ZFAND3: variants seen among roughly 807,000 people sequenced by gnomAD.
The protein encoded by ZFAND3 is zinc finger AN1-type containing 3.
Under a neutral mutation model 29.6 loss-of-function variants are expected in ZFAND3, and 10 were observed. The observed-to-expected ratio is 0.34, with a 90% CI of 0.21 to 0.57. The LOEUF is 0.57. Among genes scored for constraint, ZFAND3 ranks in the 20% least tolerant of loss-of-function variants. The pLI is 0.86. For missense variants in ZFAND3, 230 were observed against 304.5 expected, an observed-to-expected ratio of 0.76 and a Z score of 1.82; for synonymous variants, 128 against 112.6, an observed-to-expected ratio of 1.14 and a Z score of -0.87.
chr6:38,102,274 C>T (rs921233660), intron 4 of ZFAND3, among the ~76,000 whole-genome samples: 15 of 152,134 alleles, frequency 9.9e-5, no homozygotes, highest in Non-Finnish European at 8.8e-5. Flanking sequence ...AGATGAGAAA[C>T]ACTCACGAGT....
At chr6:38,144,231 A>ATATATAATATATATATATAT (rs1365246829) in intron 5 of ZFAND3, among the ~76,000 whole-genome samples, 8 of 75,274 alleles carry the variant, frequency 1.1e-4, no homozygotes, top group East Asian at 4.2e-4. Context: ...ATATATATAT[A>ATATATAATATATATATATAT]TTTTTTTTTT....
intron 2 of ZFAND3, among the ~76,000 whole-genome samples, chr6:38,024,573 T>G (rs945120488): frequency 1.3e-5 from 2 of 152,164 alleles, no homozygotes; most frequent in Middle Eastern, 3.4e-3. Flanking sequence ...ATTGGATGAA[T>G]GATTAAATAA....
chr6:37,956,631 G>T (rs1762090061), intron 2 of ZFAND3, among the ~76,000 whole-genome samples: 1 of 152,222 alleles, frequency 6.6e-6, no homozygotes, highest in Non-Finnish European at 1.5e-5. Context: ...TGTGATCTTG[G>T]AGAGCAGTGT....
chr6:38,026,995 G>A (rs1393636766), intron 2 of ZFAND3, among the ~76,000 whole-genome samples: 2 of 152,040 alleles, frequency 1.3e-5, no homozygotes, highest in East Asian at 1.9e-4. Context: ...TTTGGTGGGG[G>A]GAGGGCGGAA....
intron 2 of ZFAND3, among the ~76,000 whole-genome samples, chr6:37,962,390 T>G (rs1309674055): frequency 6.6e-6 from 1 of 152,102 alleles, no homozygotes; most frequent in Non-Finnish European, 1.5e-5. Flanking sequence ...TTACTGGGCT[T>G]AAAGGGGAGG....
At chr6:38,125,091 T>A (rs1481147398) in intron 5 of ZFAND3, among the ~76,000 whole-genome samples, 1 of 152,206 alleles carries the variant, frequency 6.6e-6, no homozygotes, top group South Asian at 2.1e-4. Flanking sequence ...TTATTATATA[T>A]GTGAGAGCTA....
intron 1 of ZFAND3, among the ~76,000 whole-genome samples, chr6:37,917,137 C>T (rs1761274278): frequency 6.6e-6 from 1 of 152,172 alleles, no homozygotes; most frequent in South Asian, 2.1e-4. Flanking sequence ...ATAGGAAGAA[C>T]ACAGTATATA....
At chr6:38,041,143 A>G (rs987025599) in intron 2 of ZFAND3, among the ~76,000 whole-genome samples, 1 of 152,098 alleles carries the variant, frequency 6.6e-6, no homozygotes, top group African/African-American at 2.4e-5. Context: ...ATGTTTCCTC[A>G]TGATTAGATT....
intron 2 of ZFAND3, among the ~76,000 whole-genome samples, chr6:38,050,501 G>A (rs1218006753): frequency 2.0e-5 from 3 of 152,060 alleles, no homozygotes; most frequent in Admixed American, 6.6e-5. Flanking sequence ...TGCCGTTCTC[G>A]TGAAAGTGAG....
At chr6:37,885,136 G>C (rs543966978) in intron 1 of ZFAND3, among the ~76,000 whole-genome samples, 1 of 152,002 alleles carries the variant, frequency 6.6e-6, no homozygotes, top group Admixed American at 6.6e-5. Context: ...TTTGGAGCTT[G>C]TATTTGTCTT....
At chr6:37,850,033 CA>C (rs1213532357) in intron 1 of ZFAND3, among the ~76,000 whole-genome samples, 1 of 152,162 alleles carries the variant, frequency 6.6e-6, no homozygotes, top group Non-Finnish European at 1.5e-5. Context: ...ATCTCAACAG[CA>C]AGTTGAGCAG....
intron 2 of ZFAND3, among the ~76,000 whole-genome samples, chr6:38,015,012 A>T (rs946840767): frequency 6.6e-6 from 1 of 152,224 alleles, no homozygotes; most frequent in African/African-American, 2.4e-5. Context: ...TACCAATATG[A>T]TGACTAAACC....
At chr6:37,848,793 AT>A (rs764293008) in intron 1 of ZFAND3, among the ~76,000 whole-genome samples, 1 of 151,496 alleles carries the variant, frequency 6.6e-6, no homozygotes, top group Non-Finnish European at 1.5e-5. Flanking sequence ...CTTCCTCAAA[AT>A]TTTTTTTTAA....
At chr6:38,070,909 TTG>T (rs1203908613) in intron 3 of ZFAND3, among the ~76,000 whole-genome samples, 8 of 152,064 alleles carry the variant, frequency 5.3e-5, no homozygotes, top group Non-Finnish European at 1.2e-4. Flanking sequence ...TCATTTTAAC[TTG>T]TGTTTTCCAG....
intron 1 of ZFAND3, among the ~76,000 whole-genome samples, chr6:37,898,438 A>C (rs991421515): frequency 5.9e-5 from 9 of 152,140 alleles, no homozygotes; most frequent in African/African-American, 2.2e-4. Flanking sequence ...TGGTAGTGTA[A>C]GTCCTTCAGG....
At position 38,028,660 on chromosome 6, in the gene ZFAND3, T is replaced by G. The variant is rs116696047; in HGVS notation, c.113-32933T>G. On this transcript the variant is annotated intron_variant, in intron 2 of 5. Coordinates refer to ENST00000287218, the MANE Select transcript of ZFAND3 (RefSeq NM_021943.3). ...TATTGTAGTAAAGAATCCACTTAAC[T>G]CTCCTTTGCAGTGTAGCAACAAAAT... Among the ~76,000 whole-genome samples the G allele has an allele frequency of 8.3e-3, 1,260 of 152,304 alleles. 10 individuals are homozygous for G. Among genetic ancestry groups the G allele is most frequent in the Middle Eastern group, 0.02 (6 of 294 alleles).
intron 1 of ZFAND3, among the ~76,000 whole-genome samples, chr6:37,831,144 T>C (rs770260112): frequency 5.3e-5 from 8 of 152,228 alleles, no homozygotes; most frequent in Non-Finnish European, 5.9e-5. Context: ...AATAGTATCT[T>C]AGAGTTGGCT....
rs192452030 is a variant in ZFAND3 at position 37,826,159 on chromosome 6, A to G, written c.71+6143A>G. 5.9e-5 allele frequency among the ~76,000 whole-genome samples: 9 copies of G among 152,286 alleles called. No individual in the cohort carries two copies. The South Asian group carries it at 8.3e-4, about 14-fold the overall frequency. On this transcript the variant is annotated intron_variant, in intron 1 of 5. Transcript: ENST00000287218. ...TTAAGGTTGATATCTCAGCAAAGCT[A>G]CTTGAAGGAAGTGATTGGTCTTGAC...
At chr6:37,974,263 C>T (rs925132681) in intron 2 of ZFAND3, among the ~76,000 whole-genome samples, 1 of 152,074 alleles carries the variant, frequency 6.6e-6, no homozygotes, top group Non-Finnish European at 1.5e-5. Flanking sequence ...GGAGTTTGAC[C>T]ATGTTGGCCC....
Sources: allele counts gnomAD v4.1 joint callset (sites outside exome capture counted in the v4.1 genomes callset), GRCh38; gene constraint gnomAD v4.1.1; transcripts MANE v1.5; gene names NCBI Gene and HGNC (gene_info 2026-07-23, HGNC 2026-07-21).